TTYH2: variants seen among roughly 807,000 people sequenced by gnomAD.
The protein encoded by TTYH2 is protein tweety homolog 2.
A neutral mutation model predicts 68.3 loss-of-function variants in TTYH2; 49 were observed. The observed-to-expected ratio is 0.72, with a 90% CI of 0.57 to 0.91. The LOEUF (loss-of-function observed/expected upper bound fraction) is 0.91, where lower values mean the gene tolerates loss of function less well. Ranked by LOEUF, TTYH2 falls within the 40% of genes least tolerant of loss-of-function variation. The pLI is 0.00. For missense variants in TTYH2, 631 were observed against 700.4 expected, an observed-to-expected ratio of 0.90 and a Z score of 1.12; for synonymous variants, 272 against 300.8, an observed-to-expected ratio of 0.90 and a Z score of 0.99.
chr17:74,213,913 C>A lies in TTYH2; in HGVS notation c.129+197C>A, dbSNP rs1225709729. Among the ~76,000 whole-genome samples the A allele has an allele frequency of 6.6e-6, 1 of 152,100 alleles. No individual in the cohort carries two copies. Among genetic ancestry groups the A allele is most frequent in the Non-Finnish European group, 1.5e-5 (1 of 68,010 alleles). ...CCCGCGTCCCCTCCTGTCTGGGAAC[C>A]TGGGGGCCGGGAAAACTGAAGAGAT... On this transcript the variant is annotated intron_variant, in intron 1 of 13. Transcript: ENST00000269346. The surrounding 1 kb of genome is among the most constrained non-coding windows in gnomAD (Gnocchi z 6.1).
rs1567819933 is a variant in TTYH2 at position 74,249,996 on chromosome 17, C to T, written c.991C>T (p.Gln331Ter). 1 of 1,614,178 alleles carries T rather than the reference C, an allele frequency of 6.2e-7. No individual in the cohort carries two copies. Among genetic ancestry groups the T allele is most frequent in the South Asian group, 1.1e-5 (1 of 91,080 alleles). Residue 331 changes from glutamine (Q) to a stop codon, truncating the protein, a stop_gained, in exon 9 of 14, where the codon CAG becomes TAG. Transcript: ENST00000269346. LOFTEE classifies it high-confidence loss of function. ...GCAGATCCAGGTCGCGGGGCTGCTG[C>T]AGTTTGCCGTGCCCCTCTTCTCCAC... ...TMQIQVAGLL[Q>*]FAVPLFSTAE...
At chr17:74,227,250 C>T (rs540962275) in intron 2 of TTYH2, among the ~76,000 whole-genome samples, 19 of 152,312 alleles carry the variant, frequency 1.2e-4, no homozygotes, top group Middle Eastern at 3.4e-3. Context: ...GCTGGGATTA[C>T]AGGCTTGAGC....
chr17:74,238,867 CAAA>C (rs56366411), intron 4 of TTYH2, among the ~76,000 whole-genome samples: 1 of 131,180 alleles, frequency 7.6e-6, no homozygotes, highest in Admixed American at 7.8e-5. Flanking sequence ...AACTCCATCT[CAAA>C]AAAAAAAAAA....
At chr17:74,255,552 A>G (rs1328121160) in intron 13 of TTYH2, among the ~76,000 whole-genome samples, 2 of 152,012 alleles carry the variant, frequency 1.3e-5, no homozygotes, top group Non-Finnish European at 2.9e-5. Context: ...CCCAGGTTCA[A>G]GTGATTCTCC....
rs2143739738 is a variant in TTYH2, at chr17:74,232,338, G to T, written c.414+1339G>T. 6.6e-6 allele frequency among the ~76,000 whole-genome samples: 1 copy of T among 152,332 alleles called. No individual in the cohort carries two copies. ...TTGTGGGAGGAGGCCCTGGCCTCCAGAAAGGGGCTGAGGGTGGCTACAAAA... is the reference window on the plus strand; with the variant it reads ...TTGTGGGAGGAGGCCCTGGCCTCCATAAAGGGGCTGAGGGTGGCTACAAAA... On this transcript the variant is annotated intron_variant, in intron 3 of 13. Transcript: ENST00000269346. The surrounding 1 kb of genome is among the most constrained non-coding windows in gnomAD (Gnocchi z 5.1).
At chr17:74,223,121 A>G (rs1351076830) in intron 2 of TTYH2, among the ~76,000 whole-genome samples, 2 of 151,896 alleles carry the variant, frequency 1.3e-5, no homozygotes, top group East Asian at 3.9e-4. Context: ...TTATTTATTT[A>G]TTTTAAAGAT....
intron 3 of TTYH2, among the ~76,000 whole-genome samples, chr17:74,233,936 C>T (rs1041661302): frequency 3.9e-5 from 6 of 152,132 alleles, no homozygotes; most frequent in South Asian, 2.1e-4. Context: ...ATTGCTGACC[C>T]GAGGTTGAAA....
intron 4 of TTYH2, among the ~76,000 whole-genome samples, chr17:74,240,308 G>A (rs982995958): frequency 7.2e-5 from 11 of 152,106 alleles, no homozygotes; most frequent in African/African-American, 1.9e-4. Flanking sequence ...ACGTGGTGGC[G>A]CACGCCTGTA....
At position 74,260,217 on chromosome 17, in the gene TTYH2, T is replaced by G. The variant is rs1386558645; in HGVS notation, c.*8T>G. 6.2e-7 allele frequency: 1 copy of G among 1,613,834 alleles called. No homozygotes were observed. On this transcript the variant is annotated 3_prime_UTR_variant, in exon 14 of 14. Transcript: ENST00000269346. ...AATCAGTTTCCAGCCTAACAGACTT[T>G]CGGGGGTTCCTGCCTCCTTTTTCCG...
intron 13 of TTYH2, among the ~76,000 whole-genome samples, chr17:74,259,562 G>A (rs1294149764): frequency 1.3e-5 from 2 of 152,154 alleles, no homozygotes; most frequent in South Asian, 2.1e-4. Flanking sequence ...TAGTGGATGT[G>A]GCCTGGGCAT....
At position 74,239,228 on chromosome 17, in the gene TTYH2, G is replaced by C. The variant is rs1269972774; in HGVS notation, c.635+1714G>C. Among the ~76,000 whole-genome samples, 1 of 152,240 alleles carries C rather than the reference G, an allele frequency of 6.6e-6. No individual in the cohort carries two copies. Among genetic ancestry groups the C allele is most frequent in the East Asian group, 1.9e-4 (1 of 5,194 alleles). ...CCAGGTGCAGGGTCCAGCGAAGTTT[G>C]CTCCGTGGAAAGCACAGGAAGGAGG... is the stretch of plus-strand genomic sequence containing the variant. On this transcript the variant is annotated intron_variant, in intron 4 of 13. Coordinates refer to ENST00000269346, the MANE Select transcript of TTYH2 (RefSeq NM_032646.6). The surrounding 1 kb of genome is among the most constrained non-coding windows in gnomAD (Gnocchi z 5.3).
intron 6 of TTYH2, among the ~76,000 whole-genome samples, chr17:74,246,750 G>A (rs1190280010): frequency 6.6e-6 from 1 of 152,184 alleles, no homozygotes; most frequent in Non-Finnish European, 1.5e-5. Context: ...AAAAGAAAGA[G>A]GTTTGATTGG....
intron 10 of TTYH2, 147 bp downstream of exon 10, chr17:74,250,504 G>A: frequency 1.5e-6 from 1 of 669,880 alleles, no homozygotes; most frequent in Non-Finnish European, 2.5e-6. Context: ...ATAATGGGAA[G>A]GGAGGGGGTG....
intron 2 of TTYH2, among the ~76,000 whole-genome samples, chr17:74,225,842 A>T (rs1209153658): frequency 6.6e-6 from 1 of 152,174 alleles, no homozygotes; most frequent in Non-Finnish European, 1.5e-5. Flanking sequence ...AGAACAGGGC[A>T]GGGGACAGAG....
intron 6 of TTYH2, among the ~76,000 whole-genome samples, chr17:74,247,642 C>T (rs1391424173): frequency 2.0e-5 from 3 of 152,198 alleles, no homozygotes; most frequent in Admixed American, 6.5e-5. Flanking sequence ...ATGGTGGCCT[C>T]GCTCTTTATT....
chr17:74,238,085 C>T (rs559642639), intron 4 of TTYH2, among the ~76,000 whole-genome samples: 30 of 152,300 alleles, frequency 2.0e-4, no homozygotes, highest in African/African-American at 7.0e-4. Context: ...GCGCCAAAGG[C>T]TGGACCTGGC....
rs1029397720 is a variant in TTYH2, at chr17:74,215,170, C to CGTATGTGTGT, written c.129+1456_129+1457insATGTGTGTGT. Among the ~76,000 whole-genome samples the CGTATGTGTGT allele has an allele frequency of 6.8e-6, 1 of 147,384 alleles. No homozygotes were observed. The highest frequency in any genetic ancestry group is 1.5e-5 in the Non-Finnish European group (1 of 66,622). ...AGGCGGATATGATTTCAGAAACAGC[C>CGTATGTGTGT]GTGTGTGTGTGTGTGTGTGTGTGTG... On this transcript the variant is annotated intron_variant, in intron 1 of 13. Coordinates refer to ENST00000269346, the MANE Select transcript of TTYH2 (RefSeq NM_032646.6). This position sits in a 1 kb window ranked among gnomAD's most constrained non-coding sequence, Gnocchi z 4.3.
At chr17:74,225,401 G>T (rs2050319840) in intron 2 of TTYH2, among the ~76,000 whole-genome samples, 1 of 152,160 alleles carries the variant, frequency 6.6e-6, no homozygotes, top group Admixed American at 6.5e-5. Flanking sequence ...GCTTTGTGAG[G>T]GGTCGGGGTC....
chr17:74,240,024 G>C (rs539539399), intron 4 of TTYH2, among the ~76,000 whole-genome samples: 1 of 152,174 alleles, frequency 6.6e-6, no homozygotes, highest in African/African-American at 2.4e-5. Context: ...TATCAAAGGC[G>C]GCTTATTGTT....
Sources: allele counts gnomAD v4.1 joint callset (sites outside exome capture counted in the v4.1 genomes callset), GRCh38; gene constraint gnomAD v4.1.1; non-coding constraint Gnocchi (gnomAD v3.1); transcripts MANE v1.5; gene names NCBI Gene and HGNC (gene_info 2026-07-23, HGNC 2026-07-21).